NRXN1: variants seen among roughly 807,000 people sequenced by gnomAD.
The protein encoded by NRXN1 is neurexin 1.
NRXN1 carries 39 observed loss-of-function variants against 150.9 expected under a neutral mutation model. The observed-to-expected ratio is 0.26, with a 90% CI of 0.20 to 0.34. The LOEUF (loss-of-function observed/expected upper bound fraction) is 0.34. Ranked by LOEUF, NRXN1 falls within the 10% of genes least tolerant of loss-of-function variation. The pLI is 1.00. For synonymous variants in NRXN1, 924 were observed against 757.0 expected (o/e 1.22, Z -3.62); for missense variants, 1,815 against 1,949.9 (o/e 0.93, Z 1.30).
chr2:50,156,280 A>G (rs555560748), intron 18 of NRXN1, among the ~76,000 whole-genome samples: 2 of 152,002 alleles, frequency 1.3e-5, no homozygotes, highest in South Asian at 4.1e-4. Flanking sequence ...CCAAGGGCTA[A>G]GTCTTTTTAG....
At chr2:50,984,562 C>T (rs1406943336) in intron 2 of NRXN1, among the ~76,000 whole-genome samples, 1 of 151,954 alleles carries the variant, frequency 6.6e-6, no homozygotes, top group Non-Finnish European at 1.5e-5. Flanking sequence ...GACTTTTCTT[C>T]CTGAGTCCTA....
intron 17 of NRXN1, among the ~76,000 whole-genome samples, chr2:50,394,627 C>T (rs2081947483): frequency 6.6e-6 from 1 of 151,932 alleles, no homozygotes; most frequent in Non-Finnish European, 1.5e-5. Context: ...CTACAGCATC[C>T]TAATACGGTT....
chr2:50,443,971 A>G (rs376128788), intron 17 of NRXN1, among the ~76,000 whole-genome samples: 1 of 152,226 alleles, frequency 6.6e-6, no homozygotes. Context: ...AGAATTAAAC[A>G]TAAAATTTGA....
chr2:50,240,924 A>G (rs1284059612), intron 17 of NRXN1, among the ~76,000 whole-genome samples: 1 of 151,722 alleles, frequency 6.6e-6, no homozygotes, highest in South Asian at 2.1e-4. Context: ...ACACTGTAAC[A>G]TTGTTTTATT....
intron 5 of NRXN1, among the ~76,000 whole-genome samples, chr2:50,806,010 G>C (rs931140219): frequency 3.3e-5 from 5 of 152,098 alleles, no homozygotes; most frequent in African/African-American, 1.2e-4. Flanking sequence ...ACGCAAAAAT[G>C]ACTTTCATAA....
intron 19 of NRXN1, among the ~76,000 whole-genome samples, chr2:50,066,473 C>A (rs567297116): frequency 6.6e-6 from 1 of 152,070 alleles, no homozygotes; most frequent in Non-Finnish European, 1.5e-5. Flanking sequence ...AACGATTGCA[C>A]CTAGATCACA....
chr2:50,717,107 T>C (rs1184505535), intron 5 of NRXN1, among the ~76,000 whole-genome samples: 1 of 152,200 alleles, frequency 6.6e-6, no homozygotes, highest in Non-Finnish European at 1.5e-5. Flanking sequence ...AGCTATTTAT[T>C]TAATTTGATT....
At chr2:50,388,918 T>C (rs896436290) in intron 17 of NRXN1, among the ~76,000 whole-genome samples, 5 of 152,072 alleles carry the variant, frequency 3.3e-5, no homozygotes, top group Non-Finnish European at 5.9e-5. Context: ...AATTATGTGG[T>C]CACTACATTA....
chr2:50,203,422 G>C (rs2062332653), intron 18 of NRXN1, among the ~76,000 whole-genome samples: 1 of 152,134 alleles, frequency 6.6e-6, no homozygotes, highest in Non-Finnish European at 1.5e-5. Context: ...AAGGGTCCAT[G>C]TTTGAAGCAT....
chr2:50,743,810 C>A (rs1559198925), intron 5 of NRXN1, among the ~76,000 whole-genome samples: 1 of 152,092 alleles, frequency 6.6e-6, no homozygotes, highest in Non-Finnish European at 1.5e-5. Context: ...CTACTTTATA[C>A]TGAATTTATT....
intron 17 of NRXN1, among the ~76,000 whole-genome samples, chr2:50,464,895 T>C (rs1242929114): frequency 6.6e-6 from 1 of 151,878 alleles, no homozygotes; most frequent in Admixed American, 6.6e-5. Context: ...TTCATGCTTA[T>C]ATTGTAATAC....
At chr2:50,872,076 A>C (rs1373000567) in intron 5 of NRXN1, among the ~76,000 whole-genome samples, 3 of 151,176 alleles carry the variant, frequency 2.0e-5, no homozygotes, top group Middle Eastern at 3.2e-3. Context: ...ACTACCTTTA[A>C]CTCTTTCACA....
At chr2:50,510,838 T>C (rs76206799) in intron 12 of NRXN1, among the ~76,000 whole-genome samples, 1,703 of 152,234 alleles carry the variant, frequency 0.011, 29 homozygotes, top group African/African-American at 0.04. Flanking sequence ...CGGGACTGAA[T>C]GCCCCCAGCT....
chr2:50,081,176 C>G (rs1308084642), intron 19 of NRXN1, among the ~76,000 whole-genome samples: 1 of 152,298 alleles, frequency 6.6e-6, no homozygotes, highest in South Asian at 2.1e-4. Context: ...AAGCTTTATA[C>G]TCTACATAGG....
At chr2:51,003,074 C>A (rs911126324) in intron 2 of NRXN1, among the ~76,000 whole-genome samples, 2 of 148,716 alleles carry the variant, frequency 1.3e-5, no homozygotes, top group African/African-American at 2.4e-5. Flanking sequence ...GGAGGAAACA[C>A]TTAACTTATT....
At chr2:49,935,861 AC>A (rs1670937364) in intron 22 of NRXN1, among the ~76,000 whole-genome samples, 1 of 152,180 alleles carries the variant, frequency 6.6e-6, no homozygotes, top group Admixed American at 6.5e-5. Flanking sequence ...AGGTAAACTT[AC>A]CTTATATTTT....
Position 50,281,935 on chromosome 2 carries a change from T to C in NRXN1, c.3365-44965A>G, listed in dbSNP as rs553206340. On this transcript the variant is annotated intron_variant, in intron 17 of 22. Transcript: ENST00000401669. ...GACAGAGTTTTAAACTCTATATATTTGGTCTTGAGAAAAAATTTTATTAAT... is the reference window on the plus strand; with the variant it reads ...GACAGAGTTTTAAACTCTATATATTCGGTCTTGAGAAAAAATTTTATTAAT... Among the ~76,000 whole-genome samples, 320 of 152,272 alleles carry C rather than the reference T, an allele frequency of 2.1e-3. 1 individual carries two copies. Among genetic ancestry groups the C allele is most frequent in the African/African-American group, 7.2e-3 (300 of 41,548 alleles).
intron 17 of NRXN1, among the ~76,000 whole-genome samples, chr2:50,432,108 T>A (rs962608243): frequency 4.6e-5 from 7 of 152,164 alleles, no homozygotes; most frequent in Non-Finnish European, 7.3e-5. Context: ...CTAGTTCATT[T>A]CAGGGAGTGA....
intron 17 of NRXN1, among the ~76,000 whole-genome samples, chr2:50,309,716 C>G (rs1392708376): frequency 2.0e-5 from 3 of 152,140 alleles, no homozygotes; most frequent in African/African-American, 7.2e-5. Flanking sequence ...CTCTCTGATG[C>G]CACTATGGGA....
Sources: gnomAD v4.1 joint callset for allele counts (sites outside exome capture counted in the v4.1 genomes callset) on GRCh38, gnomAD v4.1.1 for gene constraint, MANE v1.5 for transcripts, NCBI Gene and HGNC (gene_info 2026-07-23, HGNC 2026-07-21) for gene names.